GOLGA4: variants seen among roughly 807,000 people sequenced by gnomAD.
GOLGA4 encodes the protein golgin A4.
Under a neutral mutation model 265.9 loss-of-function variants are expected in GOLGA4, and 169 were observed. That is an observed-to-expected ratio of 0.64 (90% CI 0.56 to 0.72). GOLGA4 has a LOEUF of 0.72. Ranked by LOEUF, GOLGA4 falls within the 30% of genes least tolerant of loss-of-function variation. GOLGA4 has a pLI of 0.00. For synonymous variants in GOLGA4, 923 were observed against 855.8 expected, an observed-to-expected ratio of 1.08 and a Z score of -1.37; for missense variants, 2,482 against 2,483.4, an observed-to-expected ratio of 1.00 and a Z score of 0.01.
At chr3:37,358,806 GCCC>G (rs755158315) in intron 22 of GOLGA4, among the ~76,000 whole-genome samples, 2 of 152,058 alleles carry the variant, frequency 1.3e-5, no homozygotes, top group African/African-American at 2.4e-5. Flanking sequence ...CCCACAAAAT[GCCC>G]CCATCTCCAA....
Position 37,243,607 on chromosome 3 carries a change from G to T in GOLGA4, c.57G>T (p.Ala19=). The change falls in exon 1 of 24, where the codon GCG becomes GCT. Residue 19 remains alanine, a synonymous_variant. Coordinates refer to ENST00000361924, the MANE Select transcript of GOLGA4 (RefSeq NM_002078.5). The part of the protein sequence containing the change: ...ISEEQQQLQQ[A]LAPAQASSNS... ...AGGAGCAGCAGCAGCTCCAGCAGGC[G>T]CTGGCTCCTGCTCAGGTACGATGGC... is the stretch of plus-strand genomic sequence containing the variant. 1.2e-6 allele frequency: 2 copies of T among 1,612,958 alleles called. No individual in the cohort carries two copies. The highest frequency in any genetic ancestry group is 8.5e-7 in the Non-Finnish European group (1 of 1,179,516).
chr3:37,325,654 T>C lies in GOLGA4; in HGVS notation c.3768T>C (p.Arg1256=). 1 of 1,613,914 alleles carries C rather than the reference T, an allele frequency of 6.2e-7. No homozygotes were observed. Among genetic ancestry groups the C allele is most frequent in the Non-Finnish European group, 8.5e-7 (1 of 1,179,798 alleles). The change falls in exon 14 of 24, where the codon CGT becomes CGC. Residue 1256 remains arginine (R), a synonymous_variant. Coordinates refer to ENST00000361924, the MANE Select transcript of GOLGA4 (RefSeq NM_002078.5). ...ILSRISHCQH[R]TTKVKEALLI... ...CTAGGATTTCTCATTGTCAGCACCG[T>C]ACAACTAAAGTTAAGGAGGCACTGT... is the stretch of plus-strand genomic sequence containing the variant.
At position 37,258,040 on chromosome 3, in the gene GOLGA4, TAC is replaced by T. The variant is rs1274376751; in HGVS notation, c.162+6558_162+6559del. ...ATATATGTATGTATATATGTATATA[TAC>T]ATACATATATATATGTATGTATATA... On this transcript the variant is annotated intron_variant, in intron 2 of 23. Transcript: ENST00000361924. 2.6e-4 allele frequency among the ~76,000 whole-genome samples: 18 copies of T among 68,906 alleles called. 2 individuals carry two copies. The highest frequency in any genetic ancestry group is 9.7e-4 in the African/African-American group (15 of 15,386). The allele number at this position is 68,906 out of a possible 152,430, so 45.2% of individuals were successfully genotyped here. A position where few individuals can be genotyped will look rare whatever the true frequency, so the allele number is the denominator to read the frequency against.
chr3:37,291,437 T>G (rs1320237027), intron 5 of GOLGA4, among the ~76,000 whole-genome samples: 1 of 152,206 alleles, frequency 6.6e-6, no homozygotes, highest in East Asian at 1.9e-4. Context: ...CTCCTATCTA[T>G]CTATTCTCTA....
At chr3:37,307,568 A>T (rs2096910179) in intron 10 of GOLGA4, among the ~76,000 whole-genome samples, 1 of 151,304 alleles carries the variant, frequency 6.6e-6, no homozygotes, top group Non-Finnish European at 1.5e-5. Flanking sequence ...GGTAAGGGCT[A>T]TTTTTTTTCT....
At chr3:37,273,419 TTTTG>T in intron 2 of GOLGA4, 1 of 620,272 alleles carries the variant, frequency 1.6e-6, no homozygotes, top group Non-Finnish European at 2.8e-6. Flanking sequence ...CAATTACTAA[TTTTG>T]TTTAATAGAT....
At chr3:37,291,369 A>C (rs1030188946) in intron 5 of GOLGA4, among the ~76,000 whole-genome samples, 1 of 152,142 alleles carries the variant, frequency 6.6e-6, no homozygotes, top group Non-Finnish European at 1.5e-5. Flanking sequence ...AAACACATCT[A>C]CTTTACTCAT....
chr3:37,253,994 C>T (rs551562822), intron 2 of GOLGA4, among the ~76,000 whole-genome samples: 6 of 146,464 alleles, frequency 4.1e-5, no homozygotes, highest in East Asian at 2.0e-4. Flanking sequence ...CTAGCCTGGG[C>T]GACAGAGCGA....
At chr3:37,254,464 TTTAA>T (rs1346577921) in intron 2 of GOLGA4, among the ~76,000 whole-genome samples, 1 of 152,286 alleles carries the variant, frequency 6.6e-6, no homozygotes, top group African/African-American at 2.4e-5. Flanking sequence ...TTTTTGTTTT[TTTAA>T]TTGTTTTGTT....
At chr3:37,329,120 C>T in intron 16 of GOLGA4, 27 bp downstream of exon 16, 5 of 1,550,588 alleles carry the variant, frequency 3.2e-6, no homozygotes, top group Non-Finnish European at 4.4e-6. Flanking sequence ...TTCTCTCTCA[C>T]TTTTGAAATT....
chr3:37,277,081 C>A (rs1229685165), intron 2 of GOLGA4, among the ~76,000 whole-genome samples: 1 of 151,848 alleles, frequency 6.6e-6, no homozygotes, highest in Non-Finnish European at 1.5e-5. Context: ...AATACTTGAC[C>A]AGCTTATCTA....
Position 37,325,769 on chromosome 3 carries a change from G to T in GOLGA4, c.3883G>T (p.Ala1295Ser), listed in dbSNP as rs750538392. 5.6e-6 allele frequency: 9 copies of T among 1,613,174 alleles called. No homozygotes were observed. In the Admixed American group the frequency reaches 1.5e-4, roughly 27 times the overall value. ...QNTLNISFQQ[A>S]THQLEEKENQ... ...TACACTAAATATTTCTTTTCAACAG[G>T]CTACTCATCAGTTAGAAGAAAAAGA... The change falls in exon 14 of 24, where the codon GCT (alanine) becomes TCT (serine). Residue 1295 changes from alanine (A) to serine (S), a missense_variant. Around this residue, in one of 3 missense-constraint regions of GOLGA4, gnomAD observed 1,536 missense variants for 1,483.7 expected, o/e 1.04. Coordinates refer to ENST00000361924, the MANE Select transcript of GOLGA4 (RefSeq NM_002078.5).
chr3:37,255,173 A>T (rs1303177230), intron 2 of GOLGA4, among the ~76,000 whole-genome samples: 3 of 151,596 alleles, frequency 2.0e-5, no homozygotes, highest in African/African-American at 4.8e-5. Context: ...TATTATTATT[A>T]TTTTTGAGGC....
intron 10 of GOLGA4, among the ~76,000 whole-genome samples, chr3:37,310,411 G>T (rs752725770): frequency 1.3e-5 from 2 of 152,142 alleles, no homozygotes; most frequent in Non-Finnish European, 2.9e-5. Flanking sequence ...TACTACTTCA[G>T]CTATCTTTTT....
In GOLGA4 at chr3:37,302,234, T is replaced by C; in HGVS notation, c.1136T>C (p.Met379Thr). Reference protein sequence around the residue: ...TKRQMHETLEMKEEEIAQLRS... With the variant: ...TKRQMHETLETKEEEIAQLRS... ...CGTCAGATGCATGAAACCCTGGAAA[T>C]GAAAGAAGAAGAAATTGCTCAACTC... is the stretch of plus-strand genomic sequence containing the variant. The change falls in exon 10 of 24, where the codon ATG (methionine) becomes ACG (threonine). Residue 379 changes from methionine to threonine, a missense_variant. This residue lies in a region of GOLGA4 where 1,536 missense variants were observed against 1,483.7 expected (regional missense o/e 1.04). Coordinates refer to ENST00000361924, the MANE Select transcript of GOLGA4 (RefSeq NM_002078.5). The C allele has an allele frequency of 6.2e-7, 1 of 1,613,106 alleles. No homozygotes were observed. The highest frequency in any genetic ancestry group is 1.7e-5 in the Admixed American group (1 of 59,962).
intron 2 of GOLGA4, among the ~76,000 whole-genome samples, chr3:37,254,530 G>GTTTAATTGT (rs563031951): frequency 0.015 from 2,256 of 151,832 alleles, 50 homozygotes; most frequent in African/African-American, 0.051. Context: ...TTAAACAATT[G>GTTTAATTGT]TTTAATTGTT....
intron 7 of GOLGA4, among the ~76,000 whole-genome samples, chr3:37,297,983 C>T (rs771099642): frequency 1.3e-5 from 2 of 151,802 alleles, no homozygotes; most frequent in Non-Finnish European, 2.9e-5. Context: ...GAGCCGAGAT[C>T]ATGCCACTGC....
Position 37,286,005 on chromosome 3 carries a change from A to G in GOLGA4, c.478-9A>G, listed in dbSNP as rs374431487. ...GGAATGACTAATGTTGTTGATGACTATATTTTAGCTTGTTACAGCTTATCA... is the reference window on the plus strand; with the variant it reads ...GGAATGACTAATGTTGTTGATGACTGTATTTTAGCTTGTTACAGCTTATCA... On this transcript the variant is annotated splice_polypyrimidine_tract_variant and intron_variant, in intron 3 of 23. Coordinates refer to ENST00000361924, the MANE Select transcript of GOLGA4 (RefSeq NM_002078.5). 85 of 1,521,768 alleles carry G rather than the reference A, an allele frequency of 5.6e-5. No individual in the cohort carries two copies. In the African/African-American group the frequency reaches 7.9e-4, roughly 14 times the overall value. 94.3% of individuals were successfully genotyped at this position (1,521,768 alleles called of 1,614,324 possible). A position where few individuals can be genotyped will look rare whatever the true frequency, so the allele number is the denominator to read the frequency against.
At chr3:37,312,662 T>C (rs1487292794) in intron 10 of GOLGA4, among the ~76,000 whole-genome samples, 1 of 151,830 alleles carries the variant, frequency 6.6e-6, no homozygotes, top group African/African-American at 2.4e-5. Context: ...TAGCTCAGAC[T>C]ACAGGTACAA....
Sources: gnomAD v4.1 joint callset for allele counts (sites outside exome capture counted in the v4.1 genomes callset) on GRCh38, gnomAD v4.1.1 for gene constraint, gnomAD v4.1.1 regional missense constraint, MANE v1.5 for transcripts, NCBI Gene and HGNC (gene_info 2026-07-23, HGNC 2026-07-21) for gene names.